Variants in SUGCT observed in about 807,000 individuals in gnomAD.
SUGCT encodes the protein succinyl-CoA:glutarate CoA-transferase.
Under a neutral mutation model 55.0 loss-of-function variants are expected in SUGCT, and 41 were observed. The observed-to-expected ratio is 0.74, with a 90% CI of 0.58 to 0.97. The LOEUF is 0.97. Ranked by LOEUF, SUGCT falls within the 50% of genes least tolerant of loss-of-function variation. SUGCT has a pLI of 0.00. For missense variants in SUGCT, 568 were observed against 547.8 expected, an observed-to-expected ratio of 1.04 and a Z score of -0.37; for synonymous variants, 187 against 200.4, an observed-to-expected ratio of 0.93 and a Z score of 0.56.
chr7:40,809,850 C>G (rs1434905136), intron 13 of SUGCT, among the ~76,000 whole-genome samples: 1 of 152,058 alleles, frequency 6.6e-6, no homozygotes, highest in Non-Finnish European at 1.5e-5. Context: ...GTTTGGCTCC[C>G]ACTTATTTAT....
At chr7:40,527,897 T>G (rs1447840161) in intron 12 of SUGCT, among the ~76,000 whole-genome samples, 1 of 152,226 alleles carries the variant, frequency 6.6e-6, no homozygotes, top group Non-Finnish European at 1.5e-5. Context: ...CTTACAAAGA[T>G]AGCAGAGGCT....
At chr7:40,338,439 G>T (rs571414121) in intron 9 of SUGCT, among the ~76,000 whole-genome samples, 7 of 152,276 alleles carry the variant, frequency 4.6e-5, no homozygotes, top group African/African-American at 1.7e-4. Context: ...TGGAGGCTTT[G>T]TTCGTCTCTT....
intron 12 of SUGCT, among the ~76,000 whole-genome samples, chr7:40,548,753 G>A (rs1359770208): frequency 6.6e-6 from 1 of 151,972 alleles, no homozygotes; most frequent in East Asian, 1.9e-4. Flanking sequence ...TTAAAACAGT[G>A]TATAATGACA....
chr7:40,353,132 A>G (rs1301160255), intron 9 of SUGCT, among the ~76,000 whole-genome samples: 1 of 152,074 alleles, frequency 6.6e-6, no homozygotes, highest in Admixed American at 6.6e-5. Flanking sequence ...TCAGATGTCT[A>G]CTATCACTAA....
At position 40,541,677 on chromosome 7, in the gene SUGCT, ATATAT is replaced by A. The variant is rs570022115; in HGVS notation, c.1089+45294_1089+45298del. 1.2e-4 allele frequency among the ~76,000 whole-genome samples: 18 copies of A among 152,356 alleles called. No individual in the cohort carries two copies. In the East Asian group the frequency reaches 3.1e-3, roughly 26 times the overall value. On this transcript the variant is annotated intron_variant, in intron 12 of 13. Coordinates refer to ENST00000335693, the MANE Select transcript of SUGCT (RefSeq NM_001193313.2). ...ACATATTTTTCAAAAGTTACATGAA[ATATAT>A]TAGAGTAGTTTCCTGTGGGAAGAAG...
At chr7:40,898,597 G>GCTTGTAGTCCTAGCTACGGGGGAA in the SUGCT span, among the ~76,000 whole-genome samples, 20 of 151,872 alleles carry the variant, frequency 1.3e-4, no homozygotes, top group Non-Finnish European at 2.2e-4. Flanking sequence ...GGTGGTGGGC[G>GCTTGTAGTCCTAGCTACGGGGGAA]CTTGTAGTCC....
intron 12 of SUGCT, among the ~76,000 whole-genome samples, chr7:40,715,577 G>GC (rs542039182): frequency 1.8e-3 from 280 of 152,228 alleles, no homozygotes; most frequent in Non-Finnish European, 3.5e-3. Flanking sequence ...CAGTGGATGG[G>GC]CACGAGCATC....
At chr7:40,928,973 G>A in the SUGCT span, among the ~76,000 whole-genome samples, 1 of 151,998 alleles carries the variant, frequency 6.6e-6, no homozygotes, top group Non-Finnish European at 1.5e-5. Flanking sequence ...TAGGGTACAT[G>A]TGCACAATGT....
rs142877052 is a variant in SUGCT, at chr7:40,325,667, G to A, written c.816+8812G>A. The stretch of plus-strand genomic sequence containing the variant: ...TAAAAAATACAAAAATTAGCTGGGC[G>A]TGGTGGTGCGTGCCGGTAATCCCAG... On this transcript the variant is annotated intron_variant, in intron 9 of 13. Transcript: ENST00000335693. Among the ~76,000 whole-genome samples the A allele has an allele frequency of 3.7e-3, 561 of 152,196 alleles. 3 individuals are homozygous for A. Among genetic ancestry groups the A allele is most frequent in the African/African-American group, 0.013 (534 of 41,542 alleles).
intron 12 of SUGCT, among the ~76,000 whole-genome samples, chr7:40,574,669 C>T (rs1379923640): frequency 1.3e-5 from 2 of 152,114 alleles, no homozygotes; most frequent in African/African-American, 2.4e-5. Flanking sequence ...TGACCTCAGG[C>T]GATCCGCCTG....
chr7:40,854,420 C>T (rs201937319), intron 13 of SUGCT, among the ~76,000 whole-genome samples: 104 of 5,276 alleles, frequency 0.02, no homozygotes, highest in East Asian at 0.091. Context: ...TCTTTCTTTC[C>T]TTTCTTTCTT....
chr7:40,379,335 A>G (rs1162490793), intron 9 of SUGCT, among the ~76,000 whole-genome samples: 2 of 152,212 alleles, frequency 1.3e-5, no homozygotes, highest in Admixed American at 6.5e-5. Context: ...AGTCTAGTCT[A>G]GTCTTTGTCT....
intron 9 of SUGCT, among the ~76,000 whole-genome samples, chr7:40,438,093 TAGGATGTCATCAAATG>T (rs1340639289): frequency 1.3e-5 from 2 of 152,124 alleles, no homozygotes; most frequent in Admixed American, 1.3e-4. Flanking sequence ...GCTTTATAAT[TAGGATGTCATCAAATG>T]AGGCTAACAT....
intron 6 of SUGCT, among the ~76,000 whole-genome samples, chr7:40,229,778 C>T (rs1283260685): frequency 4.8e-5 from 7 of 146,050 alleles, no homozygotes; most frequent in African/African-American, 7.8e-5. Flanking sequence ...CGTGCAACTG[C>T]ACTCCAGCCT....
At chr7:40,722,087 T>C (rs1786368659) in intron 12 of SUGCT, among the ~76,000 whole-genome samples, 1 of 152,104 alleles carries the variant, frequency 6.6e-6, no homozygotes, top group Non-Finnish European at 1.5e-5. Context: ...TTTTTTAACG[T>C]CTTTGAATGA....
intron 13 of SUGCT, among the ~76,000 whole-genome samples, chr7:40,765,715 G>T (rs1788752440): frequency 6.6e-6 from 1 of 152,128 alleles, no homozygotes; most frequent in Non-Finnish European, 1.5e-5. Flanking sequence ...CCAAGGGAAG[G>T]CCCATACAGG....
intron 1 of SUGCT, among the ~76,000 whole-genome samples, chr7:40,162,138 C>T (rs952191732): frequency 7.2e-5 from 11 of 152,198 alleles, no homozygotes; most frequent in South Asian, 6.2e-4. Flanking sequence ...CCTCGTGATC[C>T]GCCCGCCTCG....
chr7:40,341,936 T>G (rs758434597), intron 9 of SUGCT, among the ~76,000 whole-genome samples: 1 of 152,200 alleles, frequency 6.6e-6, no homozygotes, highest in Admixed American at 6.5e-5. Context: ...AGGACCTGGT[T>G]TCAGATCCTG....
intron 12 of SUGCT, among the ~76,000 whole-genome samples, chr7:40,642,513 C>A (rs569749858): frequency 6.6e-6 from 1 of 152,132 alleles, no homozygotes; most frequent in Non-Finnish European, 1.5e-5. Context: ...CTGTGACATG[C>A]TCAGTCCACA....
Sources: gnomAD v4.1 joint callset for allele counts (sites outside exome capture counted in the v4.1 genomes callset) on GRCh38, gnomAD v4.1.1 for gene constraint, MANE v1.5 for transcripts, NCBI Gene and HGNC (gene_info 2026-07-23, HGNC 2026-07-21) for gene names.